Variants in NLRP13 observed in about 807,000 individuals in gnomAD.
NLRP13 encodes NLR family pyrin domain containing 13, also known as NACHT, LRR and PYD domains-containing protein 13.
In NLRP13, 82 loss-of-function variants were observed where a neutral mutation model predicts 94.4. The observed-to-expected ratio is 0.87, with a 90% CI of 0.73 to 1.04. The LOEUF is 1.04. Among genes scored for constraint, NLRP13 ranks in the 50% least tolerant of loss-of-function variants. NLRP13 has a pLI of 0.00. For missense variants in NLRP13, 1,426 were observed against 1,230.8 expected, an observed-to-expected ratio of 1.16 and a Z score of -2.37; for synonymous variants, 553 against 464.7, an observed-to-expected ratio of 1.19 and a Z score of -2.45.
chr19:55,921,319 T>C (rs1251740433), intron 4 of NLRP13, among the ~76,000 whole-genome samples: 1 of 151,922 alleles, frequency 6.6e-6, no homozygotes, highest in Non-Finnish European at 1.5e-5. Context: ...TTATTGATAC[T>C]TGGAAGGAAA....
intron 4 of NLRP13, among the ~76,000 whole-genome samples, chr19:55,917,891 A>G (rs1055500600): frequency 1.3e-5 from 2 of 152,108 alleles, no homozygotes; most frequent in African/African-American, 2.4e-5. Flanking sequence ...TCTGAACTTA[A>G]ATTGGACTTT....
intron 1 of NLRP13, 151 bp from the exon 2 acceptor site, chr19:55,925,186 A>T: frequency 2.9e-6 from 2 of 699,146 alleles, no homozygotes; most frequent in Non-Finnish European, 5.0e-6. Flanking sequence ...CATTAGCCCA[A>T]CTGAAGATGC....
intron 4 of NLRP13, among the ~76,000 whole-genome samples, chr19:55,918,989 C>T (rs1174444774): frequency 6.6e-6 from 1 of 152,032 alleles, no homozygotes; most frequent in African/African-American, 2.4e-5. Flanking sequence ...TACCAGAAAA[C>T]TGATCCAACA....
chr19:55,919,367 G>A (rs1347394442), intron 4 of NLRP13, among the ~76,000 whole-genome samples: 1 of 152,054 alleles, frequency 6.6e-6, no homozygotes, highest in African/African-American at 2.4e-5. Flanking sequence ...GCTAGTCATA[G>A]CCAGAGCAAT....
chr19:55,924,047 C>A, intron 3 of NLRP13, 68 bp from the exon 4 acceptor site: 5 of 1,252,132 alleles, frequency 4.0e-6, no homozygotes, highest in Non-Finnish European at 5.9e-6. Flanking sequence ...ATGATAAAGA[C>A]TCTCAGTAGA....
chr19:55,916,151 T>A (rs796572600), intron 4 of NLRP13, among the ~76,000 whole-genome samples: 15 of 152,268 alleles, frequency 9.9e-5, no homozygotes, highest in African/African-American at 2.9e-4. Context: ...TCTTTGTCAA[T>A]GAAAGCACTC....
downstream of NLRP13, among the ~76,000 whole-genome samples, chr19:55,892,396 CACATATTCATATACATACACACAT>C (rs903083104): frequency 1.4e-4 from 21 of 151,472 alleles, no homozygotes; most frequent in Non-Finnish European, 2.7e-4. Context: ...CATACACACA[CACATATTCATATACATACACACAT>C]ACACATATAC....
intron 8 of NLRP13, among the ~76,000 whole-genome samples, chr19:55,903,031 C>T (rs1327952028): frequency 6.6e-6 from 1 of 150,848 alleles, no homozygotes; most frequent in East Asian, 1.9e-4. Flanking sequence ...AAATTACAAC[C>T]TATATGTATA....
chr19:55,893,972 G>A (rs1222220273), downstream of NLRP13, among the ~76,000 whole-genome samples: 3 of 151,522 alleles, frequency 2.0e-5, no homozygotes, highest in African/African-American at 7.3e-5. Flanking sequence ...AGGTTCCTTG[G>A]CATCTGGGAT....
intron 4 of NLRP13, among the ~76,000 whole-genome samples, chr19:55,919,726 G>A (rs768659220): frequency 9.2e-5 from 14 of 151,916 alleles, no homozygotes; most frequent in Admixed American, 3.9e-4. Flanking sequence ...AATGCTCGTG[G>A]ATAAGAATAA....
chr19:55,913,548 C>CAAAAAAAAAAAAAAAAAAAAAAAAAA (rs10530056), intron 4 of NLRP13, among the ~76,000 whole-genome samples: 17 of 52,062 alleles, frequency 3.3e-4, no homozygotes, highest in Non-Finnish European at 4.0e-4. Flanking sequence ...GACTCCGTCT[C>CAAAAAAAAAAAAAAAAAAAAAAAAAA]AAAAAAAAAA....
rs1986899724 is a variant in NLRP13, at chr19:55,923,782, G to A, written c.523+132C>T. On this transcript the variant is annotated intron_variant, in intron 4 of 10. Coordinates refer to ENST00000342929, the MANE Select transcript of NLRP13 (RefSeq NM_176810.2). ...CAAATTGTACTGGAAGAACCAGTTG[G>A]GAAGAGCTTTTAATTTATTGCATAC... 6 of 688,642 alleles carry A rather than the reference G, an allele frequency of 8.7e-6. No homozygotes were observed. The South Asian group carries it at 1.1e-4, about 13-fold the overall frequency. The allele number at this position is 688,642 out of a possible 1,614,324, so 42.7% of individuals were successfully genotyped here. A position where few individuals can be genotyped will look rare whatever the true frequency, so the allele number is the denominator to read the frequency against.
chr19:55,921,269 A>G (rs560001437), intron 4 of NLRP13, among the ~76,000 whole-genome samples: 2 of 152,314 alleles, frequency 1.3e-5, no homozygotes, highest in Non-Finnish European at 2.9e-5. Context: ...TTGAGTCAAG[A>G]CAGTATTTCT....
intron 1 of NLRP13, among the ~76,000 whole-genome samples, chr19:55,927,594 C>T (rs951740587): frequency 1.1e-4 from 17 of 151,986 alleles, no homozygotes; most frequent in African/African-American, 4.1e-4. Flanking sequence ...GACACTCTCC[C>T]AGCTCTGATA....
At position 55,910,552 on chromosome 19, in the gene NLRP13, C is replaced by T. The variant is rs563240971; in HGVS notation, c.2282+11G>A. ...GGGTATCTTCTTGAGCTGCTGGCGT[C>T]TCACACTTACGTCAGTTTCTGGACT... On this transcript the variant is annotated intron_variant, in intron 6 of 10. Coordinates refer to ENST00000342929, the MANE Select transcript of NLRP13 (RefSeq NM_176810.2). 8 of 1,580,454 alleles carry T rather than the reference C, an allele frequency of 5.1e-6. No homozygotes were observed. The highest frequency in any genetic ancestry group is 1.7e-5 in the Admixed American group (1 of 57,662).
rs1986830936 is a variant in NLRP13 at position 55,921,680 on chromosome 19, G to T, written c.523+2234C>A. On this transcript the variant is annotated intron_variant, in intron 4 of 10. Transcript: ENST00000342929. The stretch of plus-strand genomic sequence containing the variant: ...GATCTGGAGAAGAGGAACTTATCCT[G>T]GATTATCTGGGGGGCTAATACAATT... Among the ~76,000 whole-genome samples the T allele has an allele frequency of 3.3e-5, 5 of 152,276 alleles. No homozygotes were observed. The South Asian group carries it at 8.3e-4, about 25-fold the overall frequency.
chr19:55,894,925 G>A (rs909181974), downstream of NLRP13, among the ~76,000 whole-genome samples: 4 of 152,224 alleles, frequency 2.6e-5, no homozygotes, highest in Admixed American at 6.5e-5. Flanking sequence ...AGTCATTAGC[G>A]ACATGTGGCT....
At chr19:55,904,040 C>A (rs1986266354) in intron 8 of NLRP13, among the ~76,000 whole-genome samples, 2 of 152,178 alleles carry the variant, frequency 1.3e-5, no homozygotes, top group South Asian at 4.1e-4. Flanking sequence ...ACCACTATCA[C>A]CCTCACTCTA....
At chr19:55,903,490 T>C (rs302838) in intron 8 of NLRP13, among the ~76,000 whole-genome samples, 85,887 of 151,892 alleles carry the variant, frequency 0.57, 24,436 homozygotes, top group Non-Finnish European at 0.59. Flanking sequence ...AGAATCTCTT[T>C]GTGCGTCCAC....
Sources: allele counts gnomAD v4.1 joint callset (sites outside exome capture counted in the v4.1 genomes callset), GRCh38; gene constraint gnomAD v4.1.1; transcripts MANE v1.5; gene names NCBI Gene and HGNC (gene_info 2026-07-23, HGNC 2026-07-21).